Variants in KCNH7 observed in about 807,000 individuals in gnomAD.
The protein encoded by KCNH7 is voltage-gated inwardly rectifying potassium channel KCNH7.
Under a neutral mutation model 120.8 loss-of-function variants are expected in KCNH7, and 49 were observed. The ratio of observed to expected loss-of-function variants is 0.41; its 90% CI spans 0.32 to 0.51. The LOEUF is 0.51. KCNH7 is among the 20% of genes least tolerant of loss of function. The pLI, the probability that KCNH7 is intolerant of heterozygous loss-of-function variation, is 0.38. For missense variants in KCNH7, 1,097 were observed against 1,446.6 expected (o/e 0.76, Z 3.92); for synonymous variants, 547 against 516.1 (o/e 1.06, Z -0.81).
chr2:162,724,254 TAAAACCAC>T lies in KCNH7; in HGVS notation c.307+112275_307+112282del, dbSNP rs1171813913. Among the ~76,000 whole-genome samples the T allele has an allele frequency of 2.0e-5, 3 of 152,286 alleles. No homozygotes were observed. In the East Asian group the frequency reaches 5.8e-4, roughly 29 times the overall value. ...TGTTCTGAGACCCCTAATGAATACT[TAAAACCAC>T]AGAAAGTGCCAATTATTTCTATATA... On this transcript the variant is annotated intron_variant, in intron 2 of 15. Transcript: ENST00000332142.
At chr2:162,590,946 C>T (rs377657172) in intron 2 of KCNH7, among the ~76,000 whole-genome samples, 1 of 152,116 alleles carries the variant, frequency 6.6e-6, no homozygotes, top group Non-Finnish European at 1.5e-5. Context: ...TGGCCTGGCC[C>T]TTGCCTACCA....
At chr2:162,593,529 C>A (rs1694281217) in intron 2 of KCNH7, among the ~76,000 whole-genome samples, 1 of 152,108 alleles carries the variant, frequency 6.6e-6, no homozygotes, top group South Asian at 2.1e-4. Flanking sequence ...CACTGTATGT[C>A]ATTCTGAAAT....
chr2:162,449,660 T>C (rs1688699978), intron 6 of KCNH7, among the ~76,000 whole-genome samples: 1 of 151,998 alleles, frequency 6.6e-6, no homozygotes, highest in Non-Finnish European at 1.5e-5. Context: ...AGGAATGCTG[T>C]GGATTGTCCA....
At chr2:162,826,100 T>C (rs575480061) in intron 2 of KCNH7, among the ~76,000 whole-genome samples, 21 of 152,184 alleles carry the variant, frequency 1.4e-4, no homozygotes, top group African/African-American at 5.1e-4. Flanking sequence ...TCTGATATCA[T>C]ACAGGCCTTA....
At chr2:162,623,326 C>T (rs966751547) in intron 2 of KCNH7, among the ~76,000 whole-genome samples, 2 of 152,034 alleles carry the variant, frequency 1.3e-5, no homozygotes, top group African/African-American at 4.8e-5. Context: ...TTGTAACTTG[C>T]CTTTTGTTGT....
intron 2 of KCNH7, among the ~76,000 whole-genome samples, chr2:162,568,012 A>T (rs921925787): frequency 4.6e-5 from 7 of 152,048 alleles, no homozygotes; most frequent in African/African-American, 1.7e-4. Flanking sequence ...GGTAATTTAT[A>T]AATTAAAAAG....
chr2:162,395,911 C>A (rs926661476), intron 11 of KCNH7, among the ~76,000 whole-genome samples: 1 of 151,606 alleles, frequency 6.6e-6, no homozygotes, highest in Non-Finnish European at 1.5e-5. Flanking sequence ...TATTACTTAG[C>A]ATTTAAATAC....
chr2:162,378,061 G>A (rs965496382), intron 14 of KCNH7, among the ~76,000 whole-genome samples: 2 of 152,142 alleles, frequency 1.3e-5, no homozygotes, highest in African/African-American at 4.8e-5. Flanking sequence ...TCTGATGAAA[G>A]GTCCAAGTCA....
intron 2 of KCNH7, chr2:162,796,543 T>C (rs1684154399): frequency 6.6e-6 from 1 of 152,120 alleles, no homozygotes. Context: ...GGTGATATAA[T>C]TGCTCTATGG....
chr2:162,578,308 G>A (rs1693754492), intron 2 of KCNH7, among the ~76,000 whole-genome samples: 1 of 152,016 alleles, frequency 6.6e-6, no homozygotes. Flanking sequence ...ATTTCAGGGT[G>A]TTTAAATATT....
At chr2:162,760,042 T>G (rs1048131622) in intron 2 of KCNH7, among the ~76,000 whole-genome samples, 21 of 152,172 alleles carry the variant, frequency 1.4e-4, no homozygotes, top group African/African-American at 4.8e-4. Flanking sequence ...ATTTTCACTA[T>G]GTTAACCAAG....
At chr2:162,630,850 A>G (rs943449335) in intron 2 of KCNH7, among the ~76,000 whole-genome samples, 1 of 151,974 alleles carries the variant, frequency 6.6e-6, no homozygotes, top group Non-Finnish European at 1.5e-5. Context: ...TTAATGGGAG[A>G]GGGTAAAAGT....
chr2:162,784,786 T>C (rs1559132871), intron 2 of KCNH7: 1 of 152,194 alleles, frequency 6.6e-6, no homozygotes, highest in Non-Finnish European at 1.5e-5. Context: ...ATTCCCTTCC[T>C]TTCCTAAAGA....
intron 2 of KCNH7, among the ~76,000 whole-genome samples, chr2:162,565,156 G>A (rs796298529): frequency 7.6e-4 from 115 of 152,196 alleles, no homozygotes; most frequent in African/African-American, 2.6e-3. Flanking sequence ...TTGTCCCTAG[G>A]AAGGAGTAAT....
At chr2:162,414,506 A>AGAT (rs1687483677) in intron 9 of KCNH7, among the ~76,000 whole-genome samples, 1 of 151,710 alleles carries the variant, frequency 6.6e-6, no homozygotes, top group South Asian at 2.1e-4. Context: ...AAAAGGAATG[A>AGAT]ATTAGTTGTA....
At chr2:162,483,680 A>C (rs1288170507) in intron 6 of KCNH7, among the ~76,000 whole-genome samples, 1 of 152,110 alleles carries the variant, frequency 6.6e-6, no homozygotes, top group Non-Finnish European at 1.5e-5. Context: ...ATAACCCTCT[A>C]AATTTTCATT....
chr2:162,504,382 T>C (rs1690792149), intron 6 of KCNH7, 61 bp downstream of exon 6: 2 of 1,245,642 alleles, frequency 1.6e-6, no homozygotes, highest in African/African-American at 3.0e-5. Context: ...AAAGAATATG[T>C]TTCATGGTGC....
chr2:162,806,989 A>C (rs13383180), intron 2 of KCNH7, among the ~76,000 whole-genome samples: 5,305 of 152,166 alleles, frequency 0.035, 284 homozygotes, highest in African/African-American at 0.12. Context: ...CCAACAATAG[A>C]AATAGAAACT....
intron 2 of KCNH7, among the ~76,000 whole-genome samples, chr2:162,657,929 C>T (rs1045490119): frequency 6.6e-6 from 1 of 151,934 alleles, no homozygotes; most frequent in African/African-American, 2.4e-5. Flanking sequence ...TTGTGGCATT[C>T]CTACAAATAT....
Sources: gnomAD v4.1 joint callset for allele counts (sites outside exome capture counted in the v4.1 genomes callset) on GRCh38, gnomAD v4.1.1 for gene constraint, MANE v1.5 for transcripts, NCBI Gene and HGNC (gene_info 2026-07-23, HGNC 2026-07-21) for gene names.